Variants in ATP10B observed in about 807,000 individuals in gnomAD.
The protein encoded by ATP10B is ATPase phospholipid transporting 10B (putative).
Under a neutral mutation model 141.2 loss-of-function variants are expected in ATP10B, and 122 were observed. The ratio of observed to expected loss-of-function variants is 0.86; its 90% CI spans 0.75 to 1.00. The LOEUF is 1.00. Ranked by LOEUF, ATP10B falls within the 50% of genes least tolerant of loss-of-function variation. The pLI is 0.00. For missense variants in ATP10B, 1,876 were observed against 1,825.3 expected (o/e 1.03, Z -0.51); for synonymous variants, 685 against 692.0 (o/e 0.99, Z 0.16).
At chr5:160,859,624 G>A in the ATP10B span, among the ~76,000 whole-genome samples, 1 of 151,230 alleles carries the variant, frequency 6.6e-6, no homozygotes, top group African/African-American at 2.4e-5. Context: ...TTATCTTCCA[G>A]GCACAGTAAA....
At chr5:160,887,760 C>T in the ATP10B span, among the ~76,000 whole-genome samples, 3 of 152,154 alleles carry the variant, frequency 2.0e-5, no homozygotes, top group African/African-American at 4.8e-5. Context: ...CCCCAAGATA[C>T]CTGTGTGGCT....
intron 1 of ATP10B, among the ~76,000 whole-genome samples, chr5:160,812,032 G>GAC (rs1561879963): frequency 5.3e-4 from 70 of 131,104 alleles, no homozygotes; most frequent in Admixed American, 7.7e-4. Flanking sequence ...GAGAGAGAGA[G>GAC]AGAGAGAGAG....
At position 160,601,382 on chromosome 5, in the gene ATP10B, T is replaced by G. The variant is rs369463952; in HGVS notation, c.3363+1195A>C. On this transcript the variant is annotated intron_variant, in intron 21 of 25. Transcript: ENST00000327245. ...GGTCTTAATCCTCCCCTTTTACTTA[T>G]GCAAAGAGGAGTCAAATTGTTTGGA... Among the ~76,000 whole-genome samples, 15 of 152,322 alleles carry G rather than the reference T, an allele frequency of 9.8e-5. 1 individual carries two copies. Among genetic ancestry groups the G allele is most frequent in the African/African-American group, 3.4e-4 (14 of 41,570 alleles).
chr5:160,595,783 A>T (rs1292201532), intron 22 of ATP10B, among the ~76,000 whole-genome samples: 1 of 151,476 alleles, frequency 6.6e-6, no homozygotes, highest in Non-Finnish European at 1.5e-5. Flanking sequence ...AATACACTAG[A>T]AAATCTAGAA....
intron 10 of ATP10B, among the ~76,000 whole-genome samples, chr5:160,640,226 G>A (rs532404635): frequency 2.0e-5 from 3 of 152,376 alleles, no homozygotes; most frequent in African/African-American, 7.2e-5. Flanking sequence ...GAGAGTGCCT[G>A]TGTTCAGTAA....
intron 8 of ATP10B, among the ~76,000 whole-genome samples, chr5:160,648,926 G>T (rs1235221565): frequency 2.1e-4 from 27 of 131,042 alleles, no homozygotes; most frequent in Non-Finnish European, 3.2e-4. Flanking sequence ...TTTTACTAAG[G>T]TTTTTTTTTT....
chr5:160,576,292 G>A (rs1203691158), intron 24 of ATP10B, among the ~76,000 whole-genome samples: 1 of 152,160 alleles, frequency 6.6e-6, no homozygotes, highest in Non-Finnish European at 1.5e-5. Context: ...CCATAATTGT[G>A]AGAGGAGTGA....
chr5:160,595,697 T>G (rs140552559), intron 22 of ATP10B, among the ~76,000 whole-genome samples: 110,438 of 151,694 alleles, frequency 0.73, 40,914 homozygotes, highest in East Asian at 0.84. Context: ...CAATAAAAAA[T>G]GATAAAGGGG....
chr5:160,600,633 T>C (rs1757050264), intron 21 of ATP10B, among the ~76,000 whole-genome samples: 1 of 152,226 alleles, frequency 6.6e-6, no homozygotes, highest in African/African-American at 2.4e-5. Context: ...TACAGAGTGC[T>C]TCTTGCCTCC....
intron 1 of ATP10B, among the ~76,000 whole-genome samples, chr5:160,827,288 CCT>C (rs1554122370): frequency 6.6e-6 from 1 of 152,138 alleles, no homozygotes; most frequent in Admixed American, 6.6e-5. Flanking sequence ...GGCAGGTTCC[CCT>C]GATACCTTTT....
intron 1 of ATP10B, among the ~76,000 whole-genome samples, chr5:160,790,644 TGAG>T (rs1255432077): frequency 1.3e-5 from 2 of 152,058 alleles, no homozygotes; most frequent in Non-Finnish European, 2.9e-5. Context: ...CACCTGTAAA[TGAG>T]GAGGACAGTT....
In ATP10B at chr5:160,653,771, T is replaced by A. The variant is rs1426898454; in HGVS notation, c.676-4515A>T. On this transcript the variant is annotated intron_variant, in intron 7 of 25. Coordinates refer to ENST00000327245, the MANE Select transcript of ATP10B (RefSeq NM_025153.3). ...CATATACATAAATATATATAATATA[T>A]ACATATATACATATATATTATATAG... 9.6e-5 allele frequency among the ~76,000 whole-genome samples: 12 copies of A among 124,846 alleles called. No homozygotes were observed. The Admixed American group carries it at 1.0e-3, about 10-fold the overall frequency. The allele number at this position is 124,846 out of a possible 152,430, so 81.9% of individuals were successfully genotyped here. A position where few individuals can be genotyped will look rare whatever the true frequency, so the allele number is the denominator to read the frequency against.
At chr5:160,804,594 C>A (rs189500844) in intron 1 of ATP10B, among the ~76,000 whole-genome samples, 67 of 152,230 alleles carry the variant, frequency 4.4e-4, no homozygotes, top group Admixed American at 4.2e-3. Flanking sequence ...GACCCATGTC[C>A]CTTTAGTATC....
chr5:160,607,094 G>T lies in ATP10B; in HGVS notation c.2839-8C>A. 1 of 1,608,118 alleles carries T rather than the reference G, an allele frequency of 6.2e-7. No individual in the cohort carries two copies. Among genetic ancestry groups the T allele is most frequent in the South Asian group, 1.1e-5 (1 of 90,632 alleles). Reference sequence around the variant, plus strand: ...GATGGATTCACAGGTCTCCTATAAAGAAGCATAATAATACAGTATTTGTAA... The same window carrying T: ...GATGGATTCACAGGTCTCCTATAAATAAGCATAATAATACAGTATTTGTAA... On this transcript the variant is annotated splice_polypyrimidine_tract_variant and splice_region_variant and intron_variant, in intron 18 of 25. Coordinates refer to ENST00000327245, the MANE Select transcript of ATP10B (RefSeq NM_025153.3).
chr5:160,914,466 T>C, the ATP10B span, among the ~76,000 whole-genome samples: 9 of 152,226 alleles, frequency 5.9e-5, no homozygotes, highest in African/African-American at 2.2e-4. Context: ...CCTATCTATA[T>C]CCTCCTGTAT....
intron 3 of ATP10B, among the ~76,000 whole-genome samples, chr5:160,699,181 G>T (rs987868879): frequency 1.3e-5 from 2 of 152,196 alleles, no homozygotes; most frequent in African/African-American, 4.8e-5. Context: ...GAAATAAAAA[G>T]ACAGTGCAGG....
chr5:160,835,432 ATC>A (rs1775361893), intron 1 of ATP10B, among the ~76,000 whole-genome samples: 1 of 152,144 alleles, frequency 6.6e-6, no homozygotes, highest in South Asian at 2.1e-4. Context: ...GCATATGGTC[ATC>A]TCTATCTGCT....
intron 2 of ATP10B, among the ~76,000 whole-genome samples, chr5:160,736,520 T>C (rs1581438577): frequency 1.3e-5 from 2 of 151,984 alleles, no homozygotes; most frequent in South Asian, 2.1e-4. Context: ...TCCCAGCACT[T>C]TGGGAGGCCA....
chr5:160,606,911 G>T lies in ATP10B; in HGVS notation c.3014C>A (p.Ala1005Asp), dbSNP rs771223993. ...CTTCTCTAGCTTTCCCTGGAAGATG[G>T]CATTCAATGTCTTCCCATCGATGAC... ...GLVIDGKTLN[A>D]IFQGKLEKKF... The change falls in exon 19 of 26, where the codon GCC becomes GAC. Residue 1005 changes from alanine to aspartate, a missense_variant. Transcript: ENST00000327245. 1.4e-5 allele frequency: 22 copies of T among 1,614,050 alleles called. No individual in the cohort carries two copies. In the East Asian group the frequency reaches 4.5e-4, roughly 33 times the overall value.
Sources: allele counts gnomAD v4.1 joint callset (sites outside exome capture counted in the v4.1 genomes callset), GRCh38; gene constraint gnomAD v4.1.1; transcripts MANE v1.5; gene names NCBI Gene and HGNC (gene_info 2026-07-23, HGNC 2026-07-21).